Variants in ZSWIM5 observed in about 807,000 individuals in gnomAD.
ZSWIM5 encodes zinc finger SWIM domain-containing protein 5.
ZSWIM5 carries 55 observed loss-of-function variants against 119.6 expected under a neutral mutation model. The ratio of observed to expected loss-of-function variants is 0.46; its 90% CI spans 0.37 to 0.58. The LOEUF (loss-of-function observed/expected upper bound fraction) is 0.58, where lower values mean the gene tolerates loss of function less well. ZSWIM5 is among the 20% of genes least tolerant of loss of function. The pLI, the probability that ZSWIM5 is intolerant of heterozygous loss-of-function variation, is 0.00. For synonymous variants in ZSWIM5, 537 were observed against 606.9 expected, an observed-to-expected ratio of 0.88 and a Z score of 1.69; for missense variants, 1,193 against 1,512.8, an observed-to-expected ratio of 0.79 and a Z score of 3.51.
At position 45,094,046 on chromosome 1, in the gene ZSWIM5, T is replaced by C. The variant is rs140683952; in HGVS notation, c.596-5809A>G. ...TTATATTTATTTATTTATTTATTTATTTATTTATTTATTTATTTATTTATT... is the reference window on the plus strand; with the variant it reads ...TTATATTTATTTATTTATTTATTTACTTATTTATTTATTTATTTATTTATT... On this transcript the variant is annotated intron_variant, in intron 1 of 13. Coordinates refer to ENST00000359600, the MANE Select transcript of ZSWIM5 (RefSeq NM_020883.2). 6.1e-3 allele frequency among the ~76,000 whole-genome samples: 698 copies of C among 113,838 alleles called. 15 individuals carry two copies. Among genetic ancestry groups the C allele is most frequent in the African/African-American group, 0.021 (647 of 31,348 alleles). 74.7% of individuals were successfully genotyped at this position (113,838 alleles called of 152,430 possible).
At chr1:45,165,460 T>C (rs1475638992) in intron 1 of ZSWIM5, among the ~76,000 whole-genome samples, 1 of 151,822 alleles carries the variant, frequency 6.6e-6, no homozygotes, top group East Asian at 1.9e-4. Context: ...AAGAAATAAC[T>C]AAGGTCAGAG....
At position 45,072,940 on chromosome 1, in the gene ZSWIM5, T is replaced by C. The variant is rs1415125270; in HGVS notation, c.953-12693A>G. 6.6e-6 allele frequency among the ~76,000 whole-genome samples: 1 copy of C among 152,002 alleles called. No homozygotes were observed. The highest frequency in any genetic ancestry group is 1.9e-4 in the East Asian group (1 of 5,192). On this transcript the variant is annotated intron_variant, in intron 2 of 13. Transcript: ENST00000359600. This position sits in a 1 kb window ranked among gnomAD's most constrained non-coding sequence, Gnocchi z 4.1. ...CACATAGCAAAAAACAATTTTAGAA[T>C]TGTGTTTTCTATTTCTGTGAAGAAT...
chr1:45,043,807 TA>T (rs1453590334), intron 5 of ZSWIM5, among the ~76,000 whole-genome samples: 3 of 152,130 alleles, frequency 2.0e-5, no homozygotes, highest in African/African-American at 7.2e-5. Flanking sequence ...AGAAGCTAGG[TA>T]ATATCCCTGG....
chr1:45,161,075 C>T (rs1296552709), intron 1 of ZSWIM5, among the ~76,000 whole-genome samples: 2 of 150,824 alleles, frequency 1.3e-5, no homozygotes, highest in Non-Finnish European at 2.9e-5. Flanking sequence ...CCTCCTTCCT[C>T]GGCCTCCCAA....
At chr1:45,169,526 T>C (rs955579244) in intron 1 of ZSWIM5, among the ~76,000 whole-genome samples, 7 of 152,080 alleles carry the variant, frequency 4.6e-5, no homozygotes, top group Admixed American at 2.0e-4. Flanking sequence ...CTAAAGCCCA[T>C]GTAATCATCA....
chr1:45,062,387 T>C (rs1645158019), intron 2 of ZSWIM5, among the ~76,000 whole-genome samples: 1 of 152,216 alleles, frequency 6.6e-6, no homozygotes, highest in Non-Finnish European at 1.5e-5. Context: ...CTCTAGGGAA[T>C]TAGGAGGGCT....
rs1426078132 is a variant in ZSWIM5, at chr1:45,019,614, GT to G, written c.2696-299del. Among the ~76,000 whole-genome samples, 1 of 152,198 alleles carries G rather than the reference GT, an allele frequency of 6.6e-6. No individual in the cohort carries two copies. The highest frequency in any genetic ancestry group is 1.5e-5 in the Non-Finnish European group (1 of 68,046). ...GGGGTTTGCTTGCCCTGAGGCATGGGTTACAGATCTGCCAGGGGTTCTAGCT... is the reference window on the plus strand; with the variant it reads ...GGGGTTTGCTTGCCCTGAGGCATGGGTACAGATCTGCCAGGGGTTCTAGCT... On this transcript the variant is annotated intron_variant, in intron 13 of 13. Transcript: ENST00000359600. This position sits in a 1 kb window ranked among gnomAD's most constrained non-coding sequence, Gnocchi z 5.0.
intron 8 of ZSWIM5, among the ~76,000 whole-genome samples, chr1:45,036,688 A>G (rs1644986875): frequency 6.6e-6 from 1 of 152,088 alleles, no homozygotes; most frequent in South Asian, 2.1e-4. Flanking sequence ...CCTTTGGGAT[A>G]CAGCTTGGTC....
chr1:45,103,964 GGAAAA>G (rs1645454868), intron 1 of ZSWIM5, among the ~76,000 whole-genome samples: 2 of 152,090 alleles, frequency 1.3e-5, no homozygotes, highest in Non-Finnish European at 2.9e-5. Flanking sequence ...CCAATAGCAG[GGAAAA>G]GAAGAGATGT....
intron 1 of ZSWIM5, among the ~76,000 whole-genome samples, chr1:45,180,104 T>C (rs906382013): frequency 3.9e-5 from 6 of 152,304 alleles, no homozygotes; most frequent in Non-Finnish European, 8.8e-5. Flanking sequence ...TGCAGCGCAC[T>C]GTGCGCCAGC....
Position 45,072,797 on chromosome 1 carries a change from C to T in ZSWIM5, c.953-12550G>A, listed in dbSNP as rs1454843957. ...ATTGGTCTGTGTGTCTATTTTATGACAGTACCATGCTATTTTGGTTACTAT... is the reference window on the plus strand; with the variant it reads ...ATTGGTCTGTGTGTCTATTTTATGATAGTACCATGCTATTTTGGTTACTAT... On this transcript the variant is annotated intron_variant, in intron 2 of 13. Transcript: ENST00000359600. The surrounding 1 kb of genome is among the most constrained non-coding windows in gnomAD (Gnocchi z 4.1). Among the ~76,000 whole-genome samples the T allele has an allele frequency of 6.6e-6, 1 of 151,976 alleles. No individual in the cohort carries two copies. Among genetic ancestry groups the T allele is most frequent in the African/African-American group, 2.4e-5 (1 of 41,240 alleles).
Position 45,016,678 on chromosome 1 carries a change from AG to A in ZSWIM5, c.*1775del, listed in dbSNP as rs1644855792. Reference sequence around the variant, plus strand: ...AAGTAAAGCAGATGGAGAAGTTCTTAGTTCACATTCTAGCTATACCACCCCT... The same window carrying A: ...AAGTAAAGCAGATGGAGAAGTTCTTATTCACATTCTAGCTATACCACCCCT... On this transcript the variant is annotated 3_prime_UTR_variant, in exon 14 of 14. Transcript: ENST00000359600. 3 of 152,242 alleles carry A rather than the reference AG, an allele frequency of 2.0e-5. No homozygotes were observed. 9.4% of individuals were successfully genotyped at this position (152,242 alleles called of 1,614,324 possible). A position where few individuals can be genotyped will look rare whatever the true frequency, so the allele number is the denominator to read the frequency against.
intron 1 of ZSWIM5, among the ~76,000 whole-genome samples, chr1:45,138,884 TTTTC>T (rs1334766546): frequency 2.0e-5 from 3 of 150,282 alleles, no homozygotes; most frequent in Admixed American, 6.6e-5. Context: ...TCGTTTTTCT[TTTTC>T]TTTTTCTTTT....
chr1:45,018,847 A>T lies in ZSWIM5; in HGVS notation c.3165T>A (p.Asn1055Lys). ...CCAGGGGGATGAGAGCTGCCAGCTCATTCTTGCCCAGAGAGTGGCTGAGAG... is the reference window on the plus strand; with the variant it reads ...CCAGGGGGATGAGAGCTGCCAGCTCTTTCTTGCCCAGAGAGTGGCTGAGAG... The part of the protein sequence containing the change: ...ACALSHSLGK[N>K]ELAALIPLVV... The change falls in exon 14 of 14, where the codon AAT becomes AAA. Residue 1055 changes from asparagine (N) to lysine (K), a missense_variant. This residue lies in a region of ZSWIM5 where 961 missense variants were observed against 1,290.0 expected (regional missense o/e 0.74). Transcript: ENST00000359600. The surrounding 1 kb of genome is among the most constrained non-coding windows in gnomAD (Gnocchi z 6.7). The T allele has an allele frequency of 6.2e-7, 1 of 1,614,228 alleles. No individual in the cohort carries two copies. Among genetic ancestry groups the T allele is most frequent in the South Asian group, 1.1e-5 (1 of 91,088 alleles).
chr1:45,066,527 A>G (rs77366419), intron 2 of ZSWIM5, among the ~76,000 whole-genome samples: 1,626 of 152,334 alleles, frequency 0.011, 32 homozygotes, highest in Admixed American at 0.039. Flanking sequence ...AGTGGAAGAA[A>G]TACTGTGTAC....
chr1:45,108,888 C>T (rs1297855960), intron 1 of ZSWIM5, among the ~76,000 whole-genome samples: 1 of 152,162 alleles, frequency 6.6e-6, no homozygotes, highest in Non-Finnish European at 1.5e-5. Flanking sequence ...TGATCTTAAT[C>T]CTCATCTTTT....
intron 1 of ZSWIM5, among the ~76,000 whole-genome samples, chr1:45,116,709 A>G (rs1308994059): frequency 6.6e-6 from 1 of 152,202 alleles, no homozygotes; most frequent in Non-Finnish European, 1.5e-5. Flanking sequence ...TAAAAAAATT[A>G]TTTGACTACC....
intron 1 of ZSWIM5, among the ~76,000 whole-genome samples, chr1:45,147,358 G>A (rs963369100): frequency 6.6e-6 from 1 of 151,966 alleles, no homozygotes; most frequent in South Asian, 2.1e-4. Flanking sequence ...TAAATAAAAT[G>A]TCATACTAAT....
intron 1 of ZSWIM5, among the ~76,000 whole-genome samples, chr1:45,174,651 A>T (rs1279664317): frequency 1.3e-5 from 2 of 151,962 alleles, no homozygotes; most frequent in African/African-American, 2.4e-5. Flanking sequence ...GGGACAGGAG[A>T]ATTGCTTGAA....
Sources: gnomAD v4.1 joint callset for allele counts (sites outside exome capture counted in the v4.1 genomes callset) on GRCh38, gnomAD v4.1.1 for gene constraint, gnomAD v4.1.1 regional missense constraint, Gnocchi (gnomAD v3.1) non-coding constraint, MANE v1.5 for transcripts, NCBI Gene and HGNC (gene_info 2026-07-23, HGNC 2026-07-21) for gene names.